EPB41L3: variants seen among roughly 807,000 people sequenced by gnomAD.
The protein encoded by EPB41L3 is erythrocyte membrane protein band 4.1 like 3.
Under a neutral mutation model 127.1 loss-of-function variants are expected in EPB41L3, and 57 were observed. The ratio of observed to expected loss-of-function variants is 0.45; its 90% CI spans 0.36 to 0.56. EPB41L3 has a LOEUF of 0.56. EPB41L3 is among the 20% of genes least tolerant of loss of function. The probability of loss-of-function intolerance (pLI) is 0.00; values close to 1 mark genes in which losing one functional copy is unlikely to be tolerated. For missense variants in EPB41L3, 1,273 were observed against 1,372.2 expected (o/e 0.93, Z 1.14); for synonymous variants, 572 against 549.5 (o/e 1.04, Z -0.57).
intron 3 of EPB41L3, among the ~76,000 whole-genome samples, chr18:5,559,634 A>G (rs1007407809): frequency 6.6e-6 from 1 of 152,210 alleles, no homozygotes; most frequent in African/African-American, 2.4e-5. Context: ...TAATCATTCC[A>G]CAAATAAACT....
intron 18 of EPB41L3, among the ~76,000 whole-genome samples, chr18:5,396,687 G>A (rs149315843): frequency 9.5e-4 from 144 of 152,216 alleles, no homozygotes; most frequent in African/African-American, 3.3e-3. Flanking sequence ...TTTAGGACCC[G>A]GGTAAACATG....
rs577015701 is a variant in EPB41L3, at chr18:5,526,769, A to ATC, written c.-12+17142_-12+17143dup. ...ATGTTGCCAATAGAAAACCACCAAT[A>ATC]TCTATCTTTATACTTCAGAATAATT... On this transcript the variant is annotated intron_variant, in intron 1 of 22. Coordinates refer to ENST00000341928, the MANE Select transcript of EPB41L3 (RefSeq NM_012307.5). Among the ~76,000 whole-genome samples the ATC allele has an allele frequency of 3.8e-3, 585 of 152,322 alleles. 6 individuals carry two copies. Among genetic ancestry groups the ATC allele is most frequent in the African/African-American group, 0.013 (548 of 41,568 alleles).
At chr18:5,597,693 T>C (rs1439415739) in intron 3 of EPB41L3, among the ~76,000 whole-genome samples, 2 of 152,142 alleles carry the variant, frequency 1.3e-5, no homozygotes, top group Non-Finnish European at 2.9e-5. Flanking sequence ...ATCCTGCAAA[T>C]CAGCCTCATT....
At chr18:5,532,077 G>T (rs771077306) in intron 1 of EPB41L3, among the ~76,000 whole-genome samples, 6 of 152,194 alleles carry the variant, frequency 3.9e-5, no homozygotes, top group Non-Finnish European at 7.3e-5. Flanking sequence ...TCCCTGCCTG[G>T]TTCCACTTAC....
At chr18:5,520,727 T>G (rs892538608) in intron 1 of EPB41L3, among the ~76,000 whole-genome samples, 1 of 152,192 alleles carries the variant, frequency 6.6e-6, no homozygotes, top group African/African-American at 2.4e-5. Flanking sequence ...ACAGAGGCAC[T>G]GCCAGGGAGA....
rs76590339 is a variant in EPB41L3, at chr18:5,485,076, C to A, written c.183+3925G>T. ...CCAATATCACTGATGAACATTAATGCAAAAATCCTCAGTGAAATACTAGCA... is the reference window on the plus strand; with the variant it reads ...CCAATATCACTGATGAACATTAATGAAAAAATCCTCAGTGAAATACTAGCA... On this transcript the variant is annotated intron_variant, in intron 2 of 22. Transcript: ENST00000341928. Among the ~76,000 whole-genome samples the A allele has an allele frequency of 1.6e-3, 240 of 151,900 alleles. 3 individuals carry two copies. The East Asian group carries it at 0.033, about 21-fold the overall frequency.
At chr18:5,525,128 CA>C (rs149866171) in intron 1 of EPB41L3, among the ~76,000 whole-genome samples, 2,372 of 152,216 alleles carry the variant, frequency 0.016, 49 homozygotes, top group African/African-American at 0.053. Flanking sequence ...AGCTAAGTGA[CA>C]AAAGTCCCCT....
chr18:5,629,664 C>G (rs1038462754), upstream of EPB41L3, among the ~76,000 whole-genome samples: 1 of 152,158 alleles, frequency 6.6e-6, no homozygotes, highest in East Asian at 1.9e-4. Flanking sequence ...TCTGGGCTAG[C>G]GGTTCGAGCT....
At chr18:5,477,745 G>A (rs115990487) in intron 3 of EPB41L3, among the ~76,000 whole-genome samples, 233 of 152,156 alleles carry the variant, frequency 1.5e-3, no homozygotes, top group African/African-American at 5.3e-3. Context: ...CTTTTACACC[G>A]AAACTACAAT....
chr18:5,413,328 G>A (rs546812923), intron 13 of EPB41L3, among the ~76,000 whole-genome samples: 66 of 151,972 alleles, frequency 4.3e-4, no homozygotes, highest in African/African-American at 1.6e-3. Context: ...CCCCTTATTT[G>A]ACCATTCTGA....
chr18:5,492,779 A>G (rs1452412502), intron 1 of EPB41L3, among the ~76,000 whole-genome samples: 1 of 152,216 alleles, frequency 6.6e-6, no homozygotes, highest in African/African-American at 2.4e-5. Context: ...GAAACTCCAA[A>G]TCCTAAAAGT....
intron 3 of EPB41L3, among the ~76,000 whole-genome samples, chr18:5,611,976 T>C (rs1265586059): frequency 1.3e-5 from 2 of 152,004 alleles, no homozygotes; most frequent in African/African-American, 2.4e-5. Context: ...AATAAATAAA[T>C]TGTTAAGTTC....
intron 12 of EPB41L3, among the ~76,000 whole-genome samples, chr18:5,417,836 C>T (rs112067686): frequency 5.3e-5 from 8 of 152,202 alleles, no homozygotes; most frequent in African/African-American, 1.9e-4. Flanking sequence ...AAATCTCATT[C>T]AACTAAGAAT....
At chr18:5,468,576 A>G (rs911977416) in intron 3 of EPB41L3, among the ~76,000 whole-genome samples, 1 of 152,122 alleles carries the variant, frequency 6.6e-6, no homozygotes, top group Non-Finnish European at 1.5e-5. Flanking sequence ...TGCACACTCG[A>G]CAGGATGACC....
chr18:5,611,810 G>A (rs2094728646), intron 3 of EPB41L3, among the ~76,000 whole-genome samples: 1 of 151,938 alleles, frequency 6.6e-6, no homozygotes, highest in Non-Finnish European at 1.5e-5. Flanking sequence ...TGCACCTGTA[G>A]TACACCTGTA....
chr18:5,624,389 C>A (rs2094899234), intron 1 of EPB41L3, among the ~76,000 whole-genome samples: 1 of 152,198 alleles, frequency 6.6e-6, no homozygotes, highest in Non-Finnish European at 1.5e-5. Context: ...CAGCTAGACT[C>A]TCCACATTCT....
intron 1 of EPB41L3, among the ~76,000 whole-genome samples, chr18:5,514,735 G>A (rs2092684127): frequency 6.6e-6 from 1 of 152,124 alleles, no homozygotes; most frequent in Non-Finnish European, 1.5e-5. Flanking sequence ...CTTGGATGCT[G>A]GAGGTTTAAA....
intron 16 of EPB41L3, among the ~76,000 whole-genome samples, chr18:5,404,743 C>T (rs1394211070): frequency 1.3e-5 from 2 of 152,144 alleles, no homozygotes; most frequent in Non-Finnish European, 2.9e-5. Flanking sequence ...GATCACTTAG[C>T]ATTTAGTTTT....
At chr18:5,571,514 T>C (rs1196701010) in intron 3 of EPB41L3, among the ~76,000 whole-genome samples, 2 of 152,252 alleles carry the variant, frequency 1.3e-5, no homozygotes, top group Admixed American at 1.3e-4. Flanking sequence ...TAGGCTTTCA[T>C]GGCATTTCAT....
Sources: allele counts gnomAD v4.1 joint callset (sites outside exome capture counted in the v4.1 genomes callset), GRCh38; gene constraint gnomAD v4.1.1; transcripts MANE v1.5; gene names NCBI Gene and HGNC (gene_info 2026-07-23, HGNC 2026-07-21).